TBC1D15: variants seen among roughly 807,000 people sequenced by gnomAD.
The protein encoded by TBC1D15 is TBC1 domain family member 15, also known as GAP for RAB7.
A neutral mutation model predicts 95.4 loss-of-function variants in TBC1D15; 39 were observed. That is an observed-to-expected ratio of 0.41 (90% CI 0.32 to 0.53). The LOEUF is 0.53. Ranked by LOEUF, TBC1D15 falls within the 20% of genes least tolerant of loss-of-function variation. TBC1D15 has a pLI of 0.29. For synonymous variants in TBC1D15, 258 were observed against 261.3 expected, an observed-to-expected ratio of 0.99 and a Z score of 0.12; for missense variants, 733 against 794.3, an observed-to-expected ratio of 0.92 and a Z score of 0.93.
rs527919804 is a variant in TBC1D15 at position 71,845,577 on chromosome 12, T to G, written c.30+5766T>G. On this transcript the variant is annotated intron_variant, in intron 1 of 16. Transcript: ENST00000485960. ...TGGAGATACCAAGTAGGTGCTTAGA[T>G]ATTTGGGTGTGGAGCCCATTAGGAT... 5.3e-5 allele frequency among the ~76,000 whole-genome samples: 8 copies of G among 152,360 alleles called. No homozygotes were observed. In the South Asian group the frequency reaches 1.0e-3, roughly 20 times the overall value.
At chr12:71,900,129 T>C (rs1354365610) in intron 10 of TBC1D15, among the ~76,000 whole-genome samples, 1 of 151,980 alleles carries the variant, frequency 6.6e-6, no homozygotes, top group Non-Finnish European at 1.5e-5. Context: ...CTTATGGAGA[T>C]GAGAAATGGG....
At chr12:71,865,320 G>T (rs1054904891) in intron 1 of TBC1D15, among the ~76,000 whole-genome samples, 8 of 152,160 alleles carry the variant, frequency 5.3e-5, no homozygotes, top group Non-Finnish European at 8.8e-5. Flanking sequence ...TCTCTTAACT[G>T]GAGGGCAGGG....
chr12:71,874,117 C>A (rs1158907314), intron 3 of TBC1D15, among the ~76,000 whole-genome samples: 1 of 152,164 alleles, frequency 6.6e-6, no homozygotes, highest in Non-Finnish European at 1.5e-5. Flanking sequence ...TGTGTTAAGA[C>A]CCTATTTCCA....
intron 1 of TBC1D15, among the ~76,000 whole-genome samples, chr12:71,867,890 T>G (rs1401844732): frequency 6.6e-5 from 10 of 152,218 alleles, no homozygotes; most frequent in Non-Finnish European, 1.5e-5. Context: ...GCTCAACCTA[T>G]ATTTAAGTTA....
At chr12:71,879,520 G>C (rs1335276855) in intron 3 of TBC1D15, among the ~76,000 whole-genome samples, 2 of 152,138 alleles carry the variant, frequency 1.3e-5, no homozygotes, top group African/African-American at 4.8e-5. Context: ...TGTTTAGAAA[G>C]ACCTAGTTTG....
chr12:71,903,017 A>G lies in TBC1D15; in HGVS notation c.1184-4005A>G, dbSNP rs139894443. Among the ~76,000 whole-genome samples the G allele has an allele frequency of 5.1e-3, 782 of 152,276 alleles. 6 individuals are homozygous for G. The highest frequency in any genetic ancestry group is 0.017 in the African/African-American group (718 of 41,560). On this transcript the variant is annotated intron_variant, in intron 10 of 16. Transcript: ENST00000485960. ...AACCCCTGCCTCCCGGGTTCAAGCA[A>G]TTCTCTGCGTCAGCCTCCCGGGTAG...
chr12:71,847,661 C>G (rs181644233), intron 1 of TBC1D15, among the ~76,000 whole-genome samples: 1 of 151,520 alleles, frequency 6.6e-6, no homozygotes, highest in African/African-American at 2.4e-5. Context: ...TGCCACTGCT[C>G]TCCAGCCTGG....
intron 5 of TBC1D15, among the ~76,000 whole-genome samples, chr12:71,889,355 A>G (rs1033207459): frequency 2.0e-5 from 3 of 152,200 alleles, no homozygotes; most frequent in Admixed American, 2.0e-4. Context: ...GTTTTGACCC[A>G]TGAATGGTCT....
At chr12:71,853,650 T>C (rs1888371277) in intron 1 of TBC1D15, among the ~76,000 whole-genome samples, 1 of 152,238 alleles carries the variant, frequency 6.6e-6, no homozygotes, top group African/African-American at 2.4e-5. Flanking sequence ...TGTTGAATTC[T>C]CTTTTTGGGT....
intron 4 of TBC1D15, among the ~76,000 whole-genome samples, chr12:71,883,374 A>G (rs996325656): frequency 6.6e-6 from 1 of 152,198 alleles, no homozygotes. Context: ...TTAATCTGGT[A>G]TCTCTTACAT....
chr12:71,882,826 G>A (rs1895480463), intron 4 of TBC1D15, among the ~76,000 whole-genome samples: 1 of 152,104 alleles, frequency 6.6e-6, no homozygotes, highest in African/African-American at 2.4e-5. Flanking sequence ...TTCTAGTGGA[G>A]GGCCTAGAAT....
At chr12:71,900,101 G>A (rs1232702585) in intron 10 of TBC1D15, among the ~76,000 whole-genome samples, 3 of 152,054 alleles carry the variant, frequency 2.0e-5, no homozygotes, top group East Asian at 3.9e-4. Flanking sequence ...ACTAGAAAAC[G>A]GGCAGTTAGT....
intron 13 of TBC1D15, 26 bp downstream of exon 13, chr12:71,917,823 C>T: frequency 1.4e-6 from 2 of 1,463,916 alleles, no homozygotes; most frequent in Non-Finnish European, 9.6e-7. Context: ...CAGAACTATA[C>T]CCAGCAAATT....
intron 1 of TBC1D15, among the ~76,000 whole-genome samples, chr12:71,841,590 T>A (rs1414200826): frequency 1.3e-5 from 2 of 152,144 alleles, no homozygotes; most frequent in Non-Finnish European, 2.9e-5. Flanking sequence ...CCTATAACAC[T>A]CTCTAATCAA....
rs74101535 is a variant in TBC1D15, at chr12:71,849,780, A to G, written c.30+9969A>G. 5.5e-4 allele frequency: 304 copies of G among 551,710 alleles called. 1 individual carries two copies. The highest frequency in any genetic ancestry group is 4.1e-3 in the African/African-American group (213 of 52,192). 34.2% of individuals were successfully genotyped at this position (551,710 alleles called of 1,614,324 possible). A position where few individuals can be genotyped will look rare whatever the true frequency, so the allele number is the denominator to read the frequency against. On this transcript the variant is annotated intron_variant, in intron 1 of 16. Transcript: ENST00000485960. ...AACTCTTTCTCATCCAGGATCTCCAAAATTGACTCTGAAAATTTTAATATC... is the reference window on the plus strand; with the variant it reads ...AACTCTTTCTCATCCAGGATCTCCAGAATTGACTCTGAAAATTTTAATATC...
intron 13 of TBC1D15, 27 bp downstream of exon 13, chr12:71,917,824 C>A (rs774952248): frequency 1.4e-6 from 2 of 1,460,308 alleles, no homozygotes; most frequent in Non-Finnish European, 1.9e-6. Context: ...AGAACTATAC[C>A]CAGCAAATTG....
chr12:71,879,895 G>T (rs1894788795), intron 3 of TBC1D15, among the ~76,000 whole-genome samples: 1 of 152,094 alleles, frequency 6.6e-6, no homozygotes, highest in South Asian at 2.1e-4. Context: ...TTGTTGTATA[G>T]AAATTAAATT....
rs754784052 is a variant in TBC1D15, at chr12:71,896,113, T to TC, written c.984+40dup. The TC allele has an allele frequency of 9.8e-6, 15 of 1,528,594 alleles. No homozygotes were observed. In the Middle Eastern group the frequency reaches 5.9e-4, roughly 60 times the overall value. 94.7% of individuals were successfully genotyped at this position (1,528,594 alleles called of 1,614,324 possible). Reference sequence around the variant, plus strand: ...CTCTAATATGGCTTGTCTTATAAACTCCTAGTATTTAGGGGTTTTGTTGTT... The same window carrying TC: ...CTCTAATATGGCTTGTCTTATAAACTCCCTAGTATTTAGGGGTTTTGTTGTT... On this transcript the variant is annotated intron_variant, in intron 8 of 16. Transcript: ENST00000485960.
chr12:71,911,619 G>T (rs1902355145), intron 11 of TBC1D15, among the ~76,000 whole-genome samples: 1 of 115,348 alleles, frequency 8.7e-6, no homozygotes, highest in Non-Finnish European at 1.7e-5. Flanking sequence ...TCTGGGGACT[G>T]TTGTGGGGTG....
Sources: gnomAD v4.1 joint callset for allele counts (sites outside exome capture counted in the v4.1 genomes callset) on GRCh38, gnomAD v4.1.1 for gene constraint, MANE v1.5 for transcripts, NCBI Gene and HGNC (gene_info 2026-07-23, HGNC 2026-07-21) for gene names.